STK10: variants seen among roughly 807,000 people sequenced by gnomAD.
STK10 encodes the protein serine/threonine kinase 10, also known as serine/threonine-protein kinase 10.
STK10 carries 78 observed loss-of-function variants against 113.8 expected under a neutral mutation model. That is an observed-to-expected ratio of 0.69 (90% confidence interval 0.57 to 0.83). The LOEUF is 0.83. Among genes scored for constraint, STK10 ranks in the 40% least tolerant of loss-of-function variants. The probability of loss-of-function intolerance (pLI) is 0.00; values close to 1 mark genes in which losing one functional copy is unlikely to be tolerated. For synonymous variants in STK10, 465 were observed against 494.7 expected, an observed-to-expected ratio of 0.94 and a Z score of 0.80; for missense variants, 1,109 against 1,280.1, an observed-to-expected ratio of 0.87 and a Z score of 2.04.
intron 3 of STK10, among the ~76,000 whole-genome samples, chr5:172,119,781 G>A (rs558442155): frequency 1.4e-5 from 2 of 147,148 alleles, no homozygotes; most frequent in African/African-American, 5.1e-5. Context: ...GGAGAATGGC[G>A]TGAACCCGGG....
chr5:172,057,453 C>T lies in STK10; in HGVS notation c.2233G>A (p.Glu745Lys), dbSNP rs777449966. 7 of 1,550,360 alleles carry T rather than the reference C, an allele frequency of 4.5e-6. No individual in the cohort carries two copies. Among genetic ancestry groups the T allele is most frequent in the Non-Finnish European group, 6.1e-6 (7 of 1,147,226 alleles). ...TCCTGCAGCTGGTGCTCTTCCATCT[C>T]CCACAGGGCTGCTTCCCGGTCTGCA... Reference protein sequence around the residue: ...LLRDREAALWEMEEHQLQERH... With the variant: ...LLRDREAALWKMEEHQLQERH... Residue 745 changes from glutamate to lysine, a missense_variant, in exon 15 of 19, where the codon GAG becomes AAG. Glu to Lys is a moderately conservative substitution (Grantham distance 56). Transcript: ENST00000176763.
rs1049821669 is a variant in STK10 at position 172,133,933 on chromosome 5, G to A, written c.322-6512C>T. On this transcript the variant is annotated intron_variant, in intron 2 of 18. Transcript: ENST00000176763. The surrounding 1 kb of genome is among the most constrained non-coding windows in gnomAD (Gnocchi z 4.9). ...ACACCAACGGCTCTCCAACTTGAAC[G>A]TTCAGCAGAGTGCTTGTTAAAACAG... 1.3e-5 allele frequency among the ~76,000 whole-genome samples: 2 copies of A among 152,130 alleles called. No individual in the cohort carries two copies. Among genetic ancestry groups the A allele is most frequent in the African/African-American group, 2.4e-5 (1 of 41,440 alleles).
chr5:172,084,921 C>G (rs1366650603), intron 10 of STK10, among the ~76,000 whole-genome samples: 1 of 152,080 alleles, frequency 6.6e-6, no homozygotes, highest in Non-Finnish European at 1.5e-5. Context: ...GATGTTTAAC[C>G]TTTATTATCT....
intron 2 of STK10, among the ~76,000 whole-genome samples, chr5:172,142,255 C>T (rs1398703256): frequency 6.6e-6 from 1 of 152,152 alleles, no homozygotes; most frequent in African/African-American, 2.4e-5. Context: ...TAGAGCTGTG[C>T]AAATTAGGAA....
rs1769485264 is a variant in STK10 at position 172,120,334 on chromosome 5, G to C, written c.371-2704C>G. Among the ~76,000 whole-genome samples, 1 of 152,140 alleles carries C rather than the reference G, an allele frequency of 6.6e-6. No homozygotes were observed. The highest frequency in any genetic ancestry group is 1.5e-5 in the Non-Finnish European group (1 of 68,022). On this transcript the variant is annotated intron_variant, in intron 3 of 18. Transcript: ENST00000176763. This position sits in a 1 kb window ranked among gnomAD's most constrained non-coding sequence, Gnocchi z 4.0. ...TCAGCTCTCCCAGCCAGGCCCTCAGGAGTGGTATAATAGACATGCCAACCA... is the reference window on the plus strand; with the variant it reads ...TCAGCTCTCCCAGCCAGGCCCTCAGCAGTGGTATAATAGACATGCCAACCA...
At chr5:172,103,712 C>G (rs1769042743) in intron 7 of STK10, among the ~76,000 whole-genome samples, 1 of 152,078 alleles carries the variant, frequency 6.6e-6, no homozygotes, top group African/African-American at 2.4e-5. Flanking sequence ...CCCCCACCCC[C>G]GGCAGTAGAT....
chr5:172,143,113 C>T (rs993778452), intron 2 of STK10, among the ~76,000 whole-genome samples: 10 of 152,196 alleles, frequency 6.6e-5, no homozygotes, highest in African/African-American at 2.4e-4. Flanking sequence ...CCCAGCTGTC[C>T]TCAAGAAAAA....
chr5:172,082,952 C>T lies in STK10; in HGVS notation c.1809+9G>A, dbSNP rs780463910. ...AGCCCTGCAGGGTCCCATCTTTTCT[C>T]GCACTCACGTTGATTTCCTGTTCAA... On this transcript the variant is annotated intron_variant, in intron 11 of 18. Transcript: ENST00000176763. This position sits in a 1 kb window ranked among gnomAD's most constrained non-coding sequence, Gnocchi z 4.3. The T allele has an allele frequency of 3.1e-6, 5 of 1,612,398 alleles. No homozygotes were observed. Among genetic ancestry groups the T allele is most frequent in the South Asian group, 2.2e-5 (2 of 90,900 alleles).
chr5:172,169,588 C>T (rs1212600182), intron 1 of STK10, among the ~76,000 whole-genome samples: 1 of 151,948 alleles, frequency 6.6e-6, no homozygotes, highest in African/African-American at 2.4e-5. Flanking sequence ...AATGGGTGTG[C>T]ATGAGACTAG....
intron 12 of STK10, among the ~76,000 whole-genome samples, chr5:172,066,510 G>A (rs903793130): frequency 1.3e-5 from 2 of 152,230 alleles, no homozygotes; most frequent in African/African-American, 4.8e-5. Flanking sequence ...CAGAAGGCCA[G>A]GCGGAGTGGC....
intron 2 of STK10, among the ~76,000 whole-genome samples, chr5:172,154,442 C>T (rs1770304400): frequency 6.6e-6 from 1 of 152,228 alleles, no homozygotes; most frequent in African/African-American, 2.4e-5. Flanking sequence ...CTCCACACCG[C>T]TGCCCACGCT....
Position 172,061,288 on chromosome 5 carries a change from C to CA in STK10, c.2083-21dup. 6.2e-7 allele frequency: 1 copy of CA among 1,602,770 alleles called. No homozygotes were observed. The highest frequency in any genetic ancestry group is 1.1e-5 in the South Asian group (1 of 90,472). On this transcript the variant is annotated intron_variant, in intron 13 of 18. Transcript: ENST00000176763. ...CCGGTCCTGTGGGGAGAGAGGAGGA[C>CA]AGGCCTTTATCCAGAGCCGGCTTGG...
At chr5:172,058,603 A>T (rs1353387583) in intron 14 of STK10, among the ~76,000 whole-genome samples, 5 of 152,136 alleles carry the variant, frequency 3.3e-5, no homozygotes, top group African/African-American at 4.8e-5. Context: ...AAAACATAAT[A>T]TGTACGGCCA....
chr5:172,178,703 G>C (rs1417839042), intron 1 of STK10, among the ~76,000 whole-genome samples: 1 of 152,192 alleles, frequency 6.6e-6, no homozygotes, highest in African/African-American at 2.4e-5. Flanking sequence ...GCAAACCCTG[G>C]CTTCTCTGAC....
At chr5:172,102,629 CAGG>C (rs1213839661) in intron 7 of STK10, among the ~76,000 whole-genome samples, 4 of 152,212 alleles carry the variant, frequency 2.6e-5, no homozygotes, top group East Asian at 3.9e-4. Flanking sequence ...CGAGTGCCGA[CAGG>C]AGGAGGAGAT....
intron 12 of STK10, among the ~76,000 whole-genome samples, chr5:172,077,243 A>G (rs1354619340): frequency 6.6e-6 from 1 of 152,246 alleles, no homozygotes; most frequent in African/African-American, 2.4e-5. Context: ...CTGGCTTTCA[A>G]CTAAAATTTC....
At chr5:172,094,812 C>A (rs1486502488) in intron 8 of STK10, among the ~76,000 whole-genome samples, 1 of 152,214 alleles carries the variant, frequency 6.6e-6, no homozygotes, top group Non-Finnish European at 1.5e-5. Context: ...TGTCTGGGGA[C>A]TGGATTCAGC....
At chr5:172,106,854 C>G in intron 5 of STK10, 40 bp from the exon 6 acceptor site, 1 of 1,572,508 alleles carries the variant, frequency 6.4e-7, no homozygotes, top group Non-Finnish European at 8.7e-7. Flanking sequence ...AAGAATCTGG[C>G]CTTTACAGGT....
intron 2 of STK10, among the ~76,000 whole-genome samples, chr5:172,138,376 C>A (rs907364531): frequency 3.9e-5 from 6 of 152,272 alleles, no homozygotes; most frequent in South Asian, 2.1e-4. Context: ...CCCACCTTGG[C>A]CTCCCAAAGT....
Sources: gnomAD v4.1 joint callset for allele counts (sites outside exome capture counted in the v4.1 genomes callset) on GRCh38, gnomAD v4.1.1 for gene constraint, Gnocchi (gnomAD v3.1) non-coding constraint, MANE v1.5 for transcripts, NCBI Gene and HGNC (gene_info 2026-07-23, HGNC 2026-07-21) for gene names.